The following PBX3 variants were observed in gnomAD, a reference collection of about 807,000 sequenced individuals.
The protein encoded by PBX3 is pre-B-cell leukemia transcription factor 3.
Under a neutral mutation model 48.5 loss-of-function variants are expected in PBX3, and 14 were observed. The ratio of observed to expected loss-of-function variants is 0.29; its 90% CI spans 0.19 to 0.45. The LOEUF (loss-of-function observed/expected upper bound fraction) is 0.45. Ranked by LOEUF, PBX3 falls within the 20% of genes least tolerant of loss-of-function variation. PBX3 has a pLI of 1.00. For missense variants in PBX3, 386 were observed against 546.7 expected, an observed-to-expected ratio of 0.71 and a Z score of 2.93; for synonymous variants, 210 against 200.3, an observed-to-expected ratio of 1.05 and a Z score of -0.41.
At chr9:125,804,185 G>T (rs549619471) in intron 2 of PBX3, among the ~76,000 whole-genome samples, 1 of 152,318 alleles carries the variant, frequency 6.6e-6, no homozygotes, top group South Asian at 2.1e-4. Context: ...GTAATCAGTG[G>T]TAGGGTTTAT....
At chr9:125,896,839 G>A (rs1840780398) in intron 2 of PBX3, among the ~76,000 whole-genome samples, 1 of 151,932 alleles carries the variant, frequency 6.6e-6, no homozygotes, top group African/African-American at 2.4e-5. Flanking sequence ...TGCATTAAAG[G>A]TTTGTTTTTT....
chr9:125,821,746 T>C (rs1005417867), intron 2 of PBX3, among the ~76,000 whole-genome samples: 5 of 152,258 alleles, frequency 3.3e-5, no homozygotes, highest in African/African-American at 4.8e-5. Flanking sequence ...TTGAGAAATT[T>C]TGAAATTAGC....
chr9:125,913,782 G>C (rs1841260370), intron 2 of PBX3, among the ~76,000 whole-genome samples: 1 of 152,168 alleles, frequency 6.6e-6, no homozygotes, highest in East Asian at 1.9e-4. Flanking sequence ...CACATTTCAG[G>C]AGAGGCACCA....
chr9:125,747,688 G>T (rs1246304928), intron 1 of PBX3, 35 bp downstream of exon 1: 1 of 1,489,912 alleles, frequency 6.7e-7, no homozygotes, highest in Non-Finnish European at 9.0e-7. Flanking sequence ...TTTTGTGTGT[G>T]TGCGGGAGCC....
At chr9:125,822,221 A>G (rs903251331) in intron 2 of PBX3, among the ~76,000 whole-genome samples, 1 of 152,168 alleles carries the variant, frequency 6.6e-6, no homozygotes, top group Non-Finnish European at 1.5e-5. Flanking sequence ...ACTTATTTTT[A>G]TGACTCAAAT....
intron 2 of PBX3, among the ~76,000 whole-genome samples, chr9:125,761,609 A>C (rs1039443823): frequency 2.0e-5 from 3 of 152,124 alleles, no homozygotes; most frequent in African/African-American, 7.2e-5. Context: ...TCAGTTAATA[A>C]TAATAATAAT....
At chr9:125,804,339 G>A (rs1838056202) in intron 2 of PBX3, among the ~76,000 whole-genome samples, 1 of 152,162 alleles carries the variant, frequency 6.6e-6, no homozygotes. Flanking sequence ...AGGTATATGA[G>A]CTATTGAGCC....
At chr9:125,855,429 ACTT>A (rs1839694849) in intron 2 of PBX3, among the ~76,000 whole-genome samples, 1 of 152,018 alleles carries the variant, frequency 6.6e-6, no homozygotes, top group African/African-American at 2.4e-5. Flanking sequence ...ATTCCTATAA[ACTT>A]CTTCTAATAT....
intron 2 of PBX3, among the ~76,000 whole-genome samples, chr9:125,802,148 T>C (rs1027933593): frequency 1.2e-4 from 19 of 152,170 alleles, no homozygotes; most frequent in African/African-American, 4.6e-4. Context: ...ATTCAGAGGG[T>C]ACACGTGCAG....
rs145768583 is a variant in PBX3 at position 125,802,064 on chromosome 9, A to G, written c.274+53441A>G. On this transcript the variant is annotated intron_variant, in intron 2 of 8. Transcript: ENST00000373489. ...GTAACAAAAATGAAATCCTATCTCAACAACAACAATAACAGCAAAACTTAT... is the reference window on the plus strand; with the variant it reads ...GTAACAAAAATGAAATCCTATCTCAGCAACAACAATAACAGCAAAACTTAT... Among the ~76,000 whole-genome samples the G allele has an allele frequency of 2.5e-3, 387 of 152,250 alleles. 3 individuals carry two copies. Among genetic ancestry groups the G allele is most frequent in the African/African-American group, 9.0e-3 (372 of 41,534 alleles).
intron 2 of PBX3, among the ~76,000 whole-genome samples, chr9:125,837,971 T>G (rs1256757696): frequency 6.6e-6 from 1 of 152,216 alleles, no homozygotes; most frequent in Non-Finnish European, 1.5e-5. Context: ...TGTACTACCC[T>G]GTTGAAATGG....
chr9:125,807,139 A>G (rs926035749), intron 2 of PBX3, among the ~76,000 whole-genome samples: 7 of 152,216 alleles, frequency 4.6e-5, no homozygotes, highest in Non-Finnish European at 8.8e-5. Context: ...CCTGGCCAAC[A>G]TGGCACAACC....
chr9:125,819,026 G>A (rs1838566124), intron 2 of PBX3, among the ~76,000 whole-genome samples: 1 of 149,416 alleles, frequency 6.7e-6, no homozygotes, highest in African/African-American at 2.5e-5. Context: ...AGTAGAGATG[G>A]GGTCTCACCA....
At chr9:125,854,175 A>C (rs1379555200) in intron 2 of PBX3, among the ~76,000 whole-genome samples, 3 of 152,150 alleles carry the variant, frequency 2.0e-5, no homozygotes, top group Non-Finnish European at 4.4e-5. Flanking sequence ...GCTGTTGCCC[A>C]GGCTGGAGTG....
At chr9:125,936,813 C>T (rs1841846130) in intron 5 of PBX3, among the ~76,000 whole-genome samples, 1 of 152,076 alleles carries the variant, frequency 6.6e-6, no homozygotes, top group African/African-American at 2.4e-5. Flanking sequence ...TTTGGATTAC[C>T]AGCTTACATA....
At chr9:125,882,365 AAG>A (rs1207183655) in intron 2 of PBX3, among the ~76,000 whole-genome samples, 2 of 152,018 alleles carry the variant, frequency 1.3e-5, no homozygotes, top group African/African-American at 2.4e-5. Context: ...GTCTCAAATG[AAG>A]AGTTTTATCA....
At chr9:125,777,121 T>C (rs10986906) in intron 2 of PBX3, among the ~76,000 whole-genome samples, 3,003 of 151,188 alleles carry the variant, frequency 0.02, 166 homozygotes, top group East Asian at 0.17. Context: ...AAGCGATTCT[T>C]GTGCCTCAGC....
intron 2 of PBX3, among the ~76,000 whole-genome samples, chr9:125,851,710 G>A (rs779253590): frequency 4.6e-5 from 7 of 151,984 alleles, no homozygotes; most frequent in Non-Finnish European, 1.0e-4. Context: ...TGTTTTGTCT[G>A]CATTATTTTT....
At chr9:125,921,289 A>G (rs1271596757) in intron 3 of PBX3, among the ~76,000 whole-genome samples, 1 of 152,180 alleles carries the variant, frequency 6.6e-6, no homozygotes, top group Non-Finnish European at 1.5e-5. Context: ...AGCTCGATTA[A>G]TAAAATTATT....
Sources: gnomAD v4.1 joint callset for allele counts (sites outside exome capture counted in the v4.1 genomes callset) on GRCh38, gnomAD v4.1.1 for gene constraint, MANE v1.5 for transcripts, NCBI Gene and HGNC (gene_info 2026-07-23, HGNC 2026-07-21) for gene names.